ARK2N: variants seen among roughly 807,000 people sequenced by gnomAD.
ARK2N encodes arkadia (RNF111) N-terminal like PKA signaling regulator 2N, also known as protein ARK2N.
At chr18:46,242,451 C>T in the ARK2N span, among the ~76,000 whole-genome samples, 1 of 152,244 alleles carries the variant, frequency 6.6e-6, no homozygotes, top group Admixed American at 6.5e-5. Context: ...TTTTCAGATT[C>T]AAGTAATTGT....
At chr18:46,220,592 A>G in the ARK2N span, among the ~76,000 whole-genome samples, 3 of 152,230 alleles carry the variant, frequency 2.0e-5, no homozygotes, top group East Asian at 5.8e-4. Flanking sequence ...TCCATGATAT[A>G]TAACAAAATT....
At chr18:46,235,935 A>T in the ARK2N span, among the ~76,000 whole-genome samples, 1 of 152,218 alleles carries the variant, frequency 6.6e-6, no homozygotes, top group Non-Finnish European at 1.5e-5. Flanking sequence ...AAAATTAAAC[A>T]TTTGATGGCA....
the ARK2N span, among the ~76,000 whole-genome samples, chr18:46,198,258 G>A: frequency 1.5e-4 from 20 of 137,846 alleles, no homozygotes; most frequent in Admixed American, 2.3e-4. Context: ...GCAGTGAGCC[G>A]AGATCGCCCC....
chr18:46,186,980 G>A, the ARK2N span, among the ~76,000 whole-genome samples: 3 of 150,854 alleles, frequency 2.0e-5, no homozygotes, highest in African/African-American at 7.3e-5. Flanking sequence ...TCAGCCTCCC[G>A]AGTTGCTGGG....
At chr18:46,257,436 CTA>C in the ARK2N span, among the ~76,000 whole-genome samples, 1 of 152,152 alleles carries the variant, frequency 6.6e-6, no homozygotes, top group Non-Finnish European at 1.5e-5. Flanking sequence ...TAGTCCTAGA[CTA>C]GAAAGCATGC....
chr18:46,255,118 CAAACTT>C, the ARK2N span, among the ~76,000 whole-genome samples: 1 of 152,142 alleles, frequency 6.6e-6, no homozygotes, highest in Non-Finnish European at 1.5e-5. Flanking sequence ...ATATAAAAGA[CAAACTT>C]AAAAGTATAG....
chr18:46,252,710 A>T, the ARK2N span, among the ~76,000 whole-genome samples: 1 of 152,154 alleles, frequency 6.6e-6, no homozygotes, highest in South Asian at 2.1e-4. Flanking sequence ...ACTCATTGCA[A>T]CTCTGTTTAT....
the ARK2N span, among the ~76,000 whole-genome samples, chr18:46,187,498 C>T: frequency 1.1e-4 from 16 of 151,834 alleles, no homozygotes; most frequent in African/African-American, 2.4e-4. Context: ...CACGCCGCCA[C>T]GCCTGGCTAC....
chr18:46,235,307 C>CT, the ARK2N span, among the ~76,000 whole-genome samples: 1 of 152,238 alleles, frequency 6.6e-6, no homozygotes, highest in Non-Finnish European at 1.5e-5. Flanking sequence ...AAAGCATTTA[C>CT]TTACCGAGTT....
At chr18:46,178,707 G>C in the ARK2N span, among the ~76,000 whole-genome samples, 1 of 152,082 alleles carries the variant, frequency 6.6e-6, no homozygotes, top group Admixed American at 6.5e-5. Flanking sequence ...GATTGCTTGA[G>C]CCCAGGAGAC....
chr18:46,240,080 T>C, the ARK2N span: 8 of 1,614,194 alleles, frequency 5.0e-6, no homozygotes, highest in Non-Finnish European at 6.8e-6. Flanking sequence ...GTGGACAATT[T>C]ATTGGCGGCT....
At chr18:46,208,655 A>G in the ARK2N span, among the ~76,000 whole-genome samples, 2,029 of 151,530 alleles carry the variant, frequency 0.013, 23 homozygotes, top group Middle Eastern at 0.021. Context: ...TTTTTAGTAG[A>G]GACGGGGTTT....
chr18:46,256,907 G>A, the ARK2N span, among the ~76,000 whole-genome samples: 4 of 152,206 alleles, frequency 2.6e-5, no homozygotes, highest in Non-Finnish European at 5.9e-5. Context: ...GAAGCAAGTA[G>A]GAGAAGAGGC....
At chr18:46,215,485 A>G in the ARK2N span, among the ~76,000 whole-genome samples, 1 of 152,224 alleles carries the variant, frequency 6.6e-6, no homozygotes, top group South Asian at 2.1e-4. Context: ...AAGTCAATGA[A>G]TGCATATTAA....
chr18:46,232,147 A>G, the ARK2N span: 1 of 152,186 alleles, frequency 6.6e-6, no homozygotes, highest in Non-Finnish European at 1.5e-5. Flanking sequence ...AGTACCCTAA[A>G]TTGATATTAC....
chr18:46,255,156 C>G, the ARK2N span, among the ~76,000 whole-genome samples: 1 of 152,132 alleles, frequency 6.6e-6, no homozygotes, highest in African/African-American at 2.4e-5. Context: ...AATACAGATA[C>G]ATGTACGTTA....
chr18:46,219,057 C>G, the ARK2N span: 1 of 152,150 alleles, frequency 6.6e-6, no homozygotes, highest in Non-Finnish European at 1.5e-5. Context: ...TTAGGATATC[C>G]TAATACCTTA....
chr18:46,222,826 G>A, the ARK2N span, among the ~76,000 whole-genome samples: 2 of 152,112 alleles, frequency 1.3e-5, no homozygotes, highest in African/African-American at 2.4e-5. Flanking sequence ...TCAACATCCT[G>A]CACTAGAATG....
At chr18:46,224,466 T>G in the ARK2N span, among the ~76,000 whole-genome samples, 1 of 152,162 alleles carries the variant, frequency 6.6e-6, no homozygotes, top group Non-Finnish European at 1.5e-5. Context: ...CAAAACAACT[T>G]TTTAGAATTT....
Sources: gnomAD v4.1 joint callset for allele counts (sites outside exome capture counted in the v4.1 genomes callset) on GRCh38, gnomAD v4.1.1 for gene constraint, MANE v1.5 for transcripts, NCBI Gene and HGNC (gene_info 2026-07-23, HGNC 2026-07-21) for gene names.